The following C6orf89 variants were observed in gnomAD, a reference collection of about 807,000 sequenced individuals.
C6orf89 encodes the protein chromosome 6 open reading frame 89.
Under a neutral mutation model 40.7 loss-of-function variants are expected in C6orf89, and 29 were observed. The observed-to-expected ratio is 0.71, with a 90% CI of 0.53 to 0.97. The LOEUF is 0.97. Among genes scored for constraint, C6orf89 ranks in the 50% least tolerant of loss-of-function variants. The pLI, the probability that C6orf89 is intolerant of heterozygous loss-of-function variation, is 0.00. For missense variants in C6orf89, 392 were observed against 429.1 expected, an observed-to-expected ratio of 0.91 and a Z score of 0.76; for synonymous variants, 165 against 152.2, an observed-to-expected ratio of 1.08 and a Z score of -0.62.
intron 1 of C6orf89, among the ~76,000 whole-genome samples, chr6:36,878,614 T>C (rs1360356094): frequency 1.3e-5 from 2 of 152,246 alleles, no homozygotes; most frequent in Admixed American, 1.3e-4. Context: ...AAGGGCTTTG[T>C]ACTTCTATAT....
rs370363912 is a variant in C6orf89, at chr6:36,893,035, C to T, written c.-119-1469C>T. 3.2e-4 allele frequency among the ~76,000 whole-genome samples: 49 copies of T among 151,786 alleles called. 1 individual carries two copies. The East Asian group carries it at 3.3e-3, about 10-fold the overall frequency. Reference sequence around the variant, plus strand: ...CTGCAAGCTCTGTCTCCTGGGGTCACGCCATTCTCCTGCCTCAGCCTCCCA... The same window carrying T: ...CTGCAAGCTCTGTCTCCTGGGGTCATGCCATTCTCCTGCCTCAGCCTCCCA... On this transcript the variant is annotated intron_variant, in intron 1 of 8. Coordinates refer to ENST00000480824, the MANE Select transcript of C6orf89 (RefSeq NM_001286635.2).
chr6:36,912,235 A>G (rs1404784701), intron 4 of C6orf89, among the ~76,000 whole-genome samples: 3 of 152,128 alleles, frequency 2.0e-5, no homozygotes, highest in Non-Finnish European at 2.9e-5. Context: ...CACCTCAGGA[A>G]CTTCCTATCA....
At chr6:36,886,884 A>G (rs1010782352) in intron 1 of C6orf89, among the ~76,000 whole-genome samples, 13 of 152,204 alleles carry the variant, frequency 8.5e-5, no homozygotes, top group African/African-American at 3.1e-4. Context: ...AATAAATTCA[A>G]TTCTGCTACA....
intron 4 of C6orf89, among the ~76,000 whole-genome samples, chr6:36,910,727 TAA>T (rs141066510): frequency 2.7e-4 from 33 of 124,292 alleles, no homozygotes; most frequent in East Asian, 2.4e-4. Flanking sequence ...ACCCTGTCTC[TAA>T]AAAAAAAAAA....
Position 36,927,576 on chromosome 6 carries a change from C to T in C6orf89, c.*4135C>T, listed in dbSNP as rs946864026. 13 of 152,350 alleles carry T rather than the reference C, an allele frequency of 8.5e-5. No homozygotes were observed. The highest frequency in any genetic ancestry group is 1.6e-4 in the Non-Finnish European group (11 of 68,024). The allele number at this position is 152,350 out of a possible 1,614,324, so 9.4% of individuals were successfully genotyped here. ...AGCTCTCTTGAGTATACAAGTTCCACACTCATTACCTTTCAGTGGTGACCC... is the reference window on the plus strand; with the variant it reads ...AGCTCTCTTGAGTATACAAGTTCCATACTCATTACCTTTCAGTGGTGACCC... On this transcript the variant is annotated 3_prime_UTR_variant, in exon 9 of 9. Transcript: ENST00000480824.
chr6:36,898,626 C>G (rs1761542046), intron 2 of C6orf89, among the ~76,000 whole-genome samples: 1 of 152,092 alleles, frequency 6.6e-6, no homozygotes, highest in Non-Finnish European at 1.5e-5. Context: ...GAGAACTCTA[C>G]TTTGCCCCAT....
In C6orf89 at chr6:36,909,374, A is replaced by G. The variant is rs79465279; in HGVS notation, c.404-4910A>G. Among the ~76,000 whole-genome samples, 104 of 152,264 alleles carry G rather than the reference A, an allele frequency of 6.8e-4. 3 individuals are homozygous for G. In the East Asian group the frequency reaches 0.018, roughly 26 times the overall value. ...TAAACTTATACCAGCTTATACTTTC[A>G]TTAACAGCATATGTTGATCATTGAC... On this transcript the variant is annotated intron_variant, in intron 4 of 8. Transcript: ENST00000480824.
chr6:36,877,923 G>T (rs1420093205), intron 1 of C6orf89, among the ~76,000 whole-genome samples: 1 of 152,180 alleles, frequency 6.6e-6, no homozygotes, highest in Admixed American at 6.5e-5. Context: ...ATCCTGGACA[G>T]AATATAACAC....
rs1194201484 is a variant in C6orf89, at chr6:36,927,233, C to T, written c.*3792C>T. 1 of 152,240 alleles carries T rather than the reference C, an allele frequency of 6.6e-6. No homozygotes were observed. Among genetic ancestry groups the T allele is most frequent in the African/African-American group, 2.4e-5 (1 of 41,458 alleles). 9.4% of individuals were successfully genotyped at this position (152,240 alleles called of 1,614,324 possible). A position where few individuals can be genotyped will look rare whatever the true frequency, so the allele number is the denominator to read the frequency against. On this transcript the variant is annotated 3_prime_UTR_variant, in exon 9 of 9. Coordinates refer to ENST00000480824, the MANE Select transcript of C6orf89 (RefSeq NM_001286635.2). ...GGTTTTCTGTTCCCTTCTACCAAAA[C>T]CCAGCATAGGACTCAGTGTACACTT...
intron 8 of C6orf89, among the ~76,000 whole-genome samples, chr6:36,922,298 C>G (rs1245398909): frequency 6.6e-6 from 1 of 151,774 alleles, no homozygotes; most frequent in Admixed American, 6.6e-5. Context: ...CGAGATTGCG[C>G]CATTGCACTC....
chr6:36,886,681 G>C (rs1214984978), intron 1 of C6orf89, among the ~76,000 whole-genome samples: 3 of 152,146 alleles, frequency 2.0e-5, no homozygotes, highest in Non-Finnish European at 4.4e-5. Context: ...TTCTTTTAAA[G>C]TATTTAGTCA....
intron 7 of C6orf89, among the ~76,000 whole-genome samples, chr6:36,918,819 C>T (rs150358127): frequency 2.1e-4 from 32 of 152,338 alleles, no homozygotes; most frequent in African/African-American, 7.7e-4. Flanking sequence ...ACAGCTCCTT[C>T]CCTGGCACAT....
intron 4 of C6orf89, among the ~76,000 whole-genome samples, chr6:36,911,930 A>ACCG (rs1489947641): frequency 5.2e-4 from 48 of 91,970 alleles, no homozygotes; most frequent in African/African-American, 1.6e-3. Flanking sequence ...ATCACAGTGA[A>ACCG]CCCCCCCCCC....
rs141066510 is a variant in C6orf89 at position 36,910,727 on chromosome 6, T to TA, written c.404-3543dup. The stretch of plus-strand genomic sequence containing the variant: ...GGGCGACAGAGCAAGACCCTGTCTC[T>TA]AAAAAAAAAAAAAAGGCTGGTCTCA... On this transcript the variant is annotated intron_variant, in intron 4 of 8. Coordinates refer to ENST00000480824, the MANE Select transcript of C6orf89 (RefSeq NM_001286635.2). 2.1e-3 allele frequency among the ~76,000 whole-genome samples: 262 copies of TA among 124,336 alleles called. 2 individuals are homozygous for TA. Among genetic ancestry groups the TA allele is most frequent in the Middle Eastern group, 0.012 (3 of 244 alleles). The allele number at this position is 124,336 out of a possible 152,430, so 81.6% of individuals were successfully genotyped here.
Position 36,923,334 on chromosome 6 carries a change from A to G in C6orf89, c.950-13A>G, listed in dbSNP as rs763537692. 1.2e-6 allele frequency: 2 copies of G among 1,606,630 alleles called. No homozygotes were observed. The highest frequency in any genetic ancestry group is 1.7e-5 in the Admixed American group (1 of 59,904). ...GACATTTACATGCCTTCCTCTTGCT[A>G]TTTCCCCTCAAGGCTATGTCGACAC... On this transcript the variant is annotated splice_polypyrimidine_tract_variant and intron_variant, in intron 8 of 8. Coordinates refer to ENST00000480824, the MANE Select transcript of C6orf89 (RefSeq NM_001286635.2).
At chr6:36,883,306 G>A (rs1774875467), upstream of C6orf89, 1 of 152,056 alleles carries the variant, frequency 6.6e-6, no homozygotes. Context: ...CAGCTGAGAA[G>A]GGTCCCTCCA....
Position 36,919,614 on chromosome 6 carries a change from G to A in C6orf89, c.862G>A (p.Gly288Ser), listed in dbSNP as rs748901417. 7.2e-5 allele frequency: 117 copies of A among 1,613,850 alleles called. No homozygotes were observed. The highest frequency in any genetic ancestry group is 8.8e-5 in the Non-Finnish European group (104 of 1,179,952). The change falls in exon 8 of 9, where the codon GGT becomes AGT. Residue 288 changes from glycine (G) to serine (S), a missense_variant. By Grantham distance (56) the Gly-to-Ser change is moderately conservative. Coordinates refer to ENST00000480824, the MANE Select transcript of C6orf89 (RefSeq NM_001286635.2). ...KMPDLFIIGSGEAMLQLIPPF... is the reference protein window; with the variant it reads ...KMPDLFIIGSSEAMLQLIPPF... ...GCCTGACCTATTTATCATTGGCAGCGGTGAGGCCATGTTGCAGCTCATCCC... is the reference window on the plus strand; with the variant it reads ...GCCTGACCTATTTATCATTGGCAGCAGTGAGGCCATGTTGCAGCTCATCCC...
intron 4 of C6orf89, among the ~76,000 whole-genome samples, chr6:36,909,839 A>T (rs1762063059): frequency 6.6e-6 from 1 of 152,116 alleles, no homozygotes; most frequent in Non-Finnish European, 1.5e-5. Flanking sequence ...TATATTAGAA[A>T]TACTGATTAT....
At chr6:36,899,655 T>TG in intron 3 of C6orf89, 22 bp downstream of exon 3, 1 of 1,606,518 alleles carries the variant, frequency 6.2e-7, no homozygotes, top group South Asian at 1.1e-5. Flanking sequence ...CCTGAGTTGG[T>TG]AATTGCTTCA....
Sources: allele counts gnomAD v4.1 joint callset (sites outside exome capture counted in the v4.1 genomes callset), GRCh38; gene constraint gnomAD v4.1.1; transcripts MANE v1.5; gene names NCBI Gene and HGNC (gene_info 2026-07-23, HGNC 2026-07-21).